ARHGEF38: variants seen among roughly 807,000 people sequenced by gnomAD.
The protein encoded by ARHGEF38 is Rho guanine nucleotide exchange factor (GEF) 38.
ARHGEF38 carries 79 observed loss-of-function variants against 79.9 expected under a neutral mutation model. The ratio of observed to expected loss-of-function variants is 0.99; its 90% confidence interval spans 0.82 to 1.19. ARHGEF38 has a LOEUF of 1.19. Among genes scored for constraint, ARHGEF38 ranks in the 50% most tolerant of loss-of-function variants. The pLI, the probability that ARHGEF38 is intolerant of heterozygous loss-of-function variation, is 0.00. For missense variants in ARHGEF38, 962 were observed against 907.2 expected, an observed-to-expected ratio of 1.06 and a Z score of -0.78; for synonymous variants, 366 against 328.3, an observed-to-expected ratio of 1.11 and a Z score of -1.24.
At chr4:105,665,539 T>C (rs1380361550) in intron 10 of ARHGEF38, among the ~76,000 whole-genome samples, 1 of 151,652 alleles carries the variant, frequency 6.6e-6, no homozygotes, top group Non-Finnish European at 1.5e-5. Flanking sequence ...AGGGCTCGAG[T>C]GATCTTCTGG....
chr4:105,598,408 C>A (rs1411536907), intron 2 of ARHGEF38, among the ~76,000 whole-genome samples: 1 of 152,166 alleles, frequency 6.6e-6, no homozygotes, highest in African/African-American at 2.4e-5. Context: ...AAATAAAAAT[C>A]TGAGAAAACC....
At chr4:105,629,953 C>G (rs1298472743) in intron 3 of ARHGEF38, among the ~76,000 whole-genome samples, 1 of 152,066 alleles carries the variant, frequency 6.6e-6, no homozygotes, top group East Asian at 1.9e-4. Flanking sequence ...TTTCAGAGAG[C>G]CTCAGGAAAT....
At chr4:105,589,172 T>C in intron 1 of ARHGEF38, 76 bp from the exon 2 acceptor site, 1 of 1,233,068 alleles carries the variant, frequency 8.1e-7, no homozygotes, top group Non-Finnish European at 1.1e-6. Flanking sequence ...ACAAAGTCCT[T>C]CGAAGGCGTT....
chr4:105,634,086 C>T (rs1244082783), intron 4 of ARHGEF38, among the ~76,000 whole-genome samples: 3 of 152,062 alleles, frequency 2.0e-5, no homozygotes, highest in African/African-American at 7.2e-5. Context: ...ATTAAAAGTA[C>T]AGATTCCTAT....
At chr4:105,560,607 A>G (rs1405307032) in intron 1 of ARHGEF38, among the ~76,000 whole-genome samples, 1 of 152,198 alleles carries the variant, frequency 6.6e-6, no homozygotes, top group Admixed American at 6.5e-5. Flanking sequence ...ATGATTTAAG[A>G]CTTTGTCCAA....
At position 105,654,182 on chromosome 4, in the gene ARHGEF38, CA is replaced by C. The variant is rs755094972; in HGVS notation, c.1113+15del. 1 of 1,393,302 alleles carries C rather than the reference CA, an allele frequency of 7.2e-7. No homozygotes were observed. Among genetic ancestry groups the C allele is most frequent in the South Asian group, 1.5e-5 (1 of 67,498 alleles). 86.3% of individuals were successfully genotyped at this position (1,393,302 alleles called of 1,614,324 possible). On this transcript the variant is annotated intron_variant, in intron 8 of 13. Transcript: ENST00000420470. Reference sequence around the variant, plus strand: ...TCAACACATACAGGTAGGTGAGACACAACTGTTTTCAGTGTTCTACAGGAAC... The same window carrying C: ...TCAACACATACAGGTAGGTGAGACACACTGTTTTCAGTGTTCTACAGGAAC...
chr4:105,562,245 T>A (rs1430277325), intron 1 of ARHGEF38, among the ~76,000 whole-genome samples: 1 of 152,334 alleles, frequency 6.6e-6, no homozygotes, highest in South Asian at 2.1e-4. Context: ...TATTACTCTA[T>A]GAAATTATAC....
At position 105,679,686 on chromosome 4, in the gene ARHGEF38, A is replaced by C; in HGVS notation, c.*1749A>C. The stretch of plus-strand genomic sequence containing the variant: ...TAAATTTAACTAAATCCATTGTAGA[A>C]GGAACACCTACACATTTAAAAGTAA... On this transcript the variant is annotated 3_prime_UTR_variant, in exon 14 of 14. Transcript: ENST00000420470. 1.3e-6 allele frequency: 1 copy of C among 791,556 alleles called. No individual in the cohort carries two copies. Among genetic ancestry groups the C allele is most frequent in the Middle Eastern group, 3.6e-4 (1 of 2,744 alleles). 49.0% of individuals were successfully genotyped at this position (791,556 alleles called of 1,614,324 possible).
At chr4:105,654,193 A>G (rs979576416) in intron 8 of ARHGEF38, 24 bp downstream of exon 8, 24 of 1,308,538 alleles carry the variant, frequency 1.8e-5, no homozygotes, top group Middle Eastern at 3.7e-4. Context: ...AACTGTTTTC[A>G]GTGTTCTACA....
In ARHGEF38 at chr4:105,678,375, T is replaced by C. The variant is rs999609821; in HGVS notation, c.*438T>C. The C allele has an allele frequency of 1.3e-5, 2 of 154,796 alleles. No individual in the cohort carries two copies. Among genetic ancestry groups the C allele is most frequent in the Admixed American group, 6.3e-5 (1 of 15,790 alleles). 9.6% of individuals were successfully genotyped at this position (154,796 alleles called of 1,614,324 possible). A position where few individuals can be genotyped will look rare whatever the true frequency, so the allele number is the denominator to read the frequency against. On this transcript the variant is annotated 3_prime_UTR_variant, in exon 14 of 14. Coordinates refer to ENST00000420470, the MANE Select transcript of ARHGEF38 (RefSeq NM_001242729.2). ...TTTATATACATACATATAAACCATA[T>C]ATATTATGTAGCTTTATACACGTAT...
Position 105,677,734 on chromosome 4 carries a change from T to C in ARHGEF38, c.2149-18T>C. 1.4e-6 allele frequency: 2 copies of C among 1,402,820 alleles called. No homozygotes were observed. Among genetic ancestry groups the C allele is most frequent in the Non-Finnish European group, 1.9e-6 (2 of 1,069,948 alleles). 86.9% of individuals were successfully genotyped at this position (1,402,820 alleles called of 1,614,324 possible). On this transcript the variant is annotated intron_variant, in intron 13 of 13. Transcript: ENST00000420470. Reference sequence around the variant, plus strand: ...TTCAGGTTCCAATTCCAATAATGTCTTTTGTTTCTTTGTCTAGATTTTCTA... The same window carrying C: ...TTCAGGTTCCAATTCCAATAATGTCCTTTGTTTCTTTGTCTAGATTTTCTA...
In ARHGEF38 at chr4:105,678,856, T is replaced by C. The variant is rs1731208407; in HGVS notation, c.*919T>C. 6.6e-6 allele frequency: 1 copy of C among 151,918 alleles called. No individual in the cohort carries two copies. The highest frequency in any genetic ancestry group is 1.5e-5 in the Non-Finnish European group (1 of 67,998). The allele number at this position is 151,918 out of a possible 1,614,324, so 9.4% of individuals were successfully genotyped here. A position where few individuals can be genotyped will look rare whatever the true frequency, so the allele number is the denominator to read the frequency against. ...TAAAGAGACAATAAAAGGAGGTTTT[T>C]TTATTCAAAGGTATAACTGGATAAG... On this transcript the variant is annotated 3_prime_UTR_variant, in exon 14 of 14. Coordinates refer to ENST00000420470, the MANE Select transcript of ARHGEF38 (RefSeq NM_001242729.2).
In ARHGEF38 at chr4:105,667,729, G is replaced by T. The variant is rs1187969658; in HGVS notation, c.2148+26G>T. 15 of 1,535,256 alleles carry T rather than the reference G, an allele frequency of 9.8e-6. No individual in the cohort carries two copies. The Middle Eastern group carries it at 5.0e-4, about 51-fold the overall frequency. ...GTAAAAATTTGATGTAAAAATATGT[G>T]GTTGTTCAAATCATGAAAGAGTATC... is the stretch of plus-strand genomic sequence containing the variant. On this transcript the variant is annotated intron_variant, in intron 13 of 13. Coordinates refer to ENST00000420470, the MANE Select transcript of ARHGEF38 (RefSeq NM_001242729.2).
At chr4:105,568,605 A>C (rs994237819) in intron 1 of ARHGEF38, among the ~76,000 whole-genome samples, 2 of 152,176 alleles carry the variant, frequency 1.3e-5, no homozygotes, top group African/African-American at 4.8e-5. Context: ...ATATTCTTTG[A>C]TTTGTATGTA....
chr4:105,577,797 G>C (rs1240587538), intron 1 of ARHGEF38, among the ~76,000 whole-genome samples: 1 of 151,952 alleles, frequency 6.6e-6, no homozygotes, highest in Non-Finnish European at 1.5e-5. Flanking sequence ...ATTTCTAATT[G>C]AGCATATTTG....
chr4:105,664,733 G>T (rs1264207380), intron 10 of ARHGEF38, among the ~76,000 whole-genome samples: 2 of 152,164 alleles, frequency 1.3e-5, no homozygotes, highest in Non-Finnish European at 2.9e-5. Context: ...CCCTGGGCAG[G>T]CATAGGGGTT....
At chr4:105,667,744 GAA>G in intron 13 of ARHGEF38, 41 bp downstream of exon 13, 2 of 1,532,804 alleles carry the variant, frequency 1.3e-6, no homozygotes, top group East Asian at 2.4e-5. Context: ...TTCAAATCAT[GAA>G]AGAGTATCTC....
intron 1 of ARHGEF38, among the ~76,000 whole-genome samples, chr4:105,585,317 T>C (rs1201389256): frequency 6.6e-6 from 1 of 152,216 alleles, no homozygotes; most frequent in Non-Finnish European, 1.5e-5. Flanking sequence ...AAACCAAGGC[T>C]CTGTGAGGAT....
intron 4 of ARHGEF38, chr4:105,631,806 T>C (rs1232552322): frequency 3.5e-6 from 2 of 566,136 alleles, no homozygotes; most frequent in Admixed American, 1.3e-4. Flanking sequence ...CAGTTTCCTA[T>C]CACATGAAGC....
Sources: gnomAD v4.1 joint callset for allele counts (sites outside exome capture counted in the v4.1 genomes callset) on GRCh38, gnomAD v4.1.1 for gene constraint, MANE v1.5 for transcripts, NCBI Gene and HGNC (gene_info 2026-07-23, HGNC 2026-07-21) for gene names.